Variants in GPR137 observed in about 807,000 individuals in gnomAD.
GPR137 encodes G protein-coupled receptor 137, also known as integral membrane protein GPR137.
In GPR137, 20 loss-of-function variants were observed where a neutral mutation model predicts 38.9. The observed-to-expected ratio is 0.51, with a 90% CI of 0.36 to 0.75. GPR137 has a LOEUF of 0.75. GPR137 is among the 30% of genes least tolerant of loss of function. The pLI is 0.00. For missense variants in GPR137, 456 were observed against 526.4 expected (o/e 0.87, Z 1.31); for synonymous variants, 226 against 235.8 (o/e 0.96, Z 0.38).
chr11:64,279,599 C>G (rs995179623), upstream of GPR137, among the ~76,000 whole-genome samples: 2 of 150,522 alleles, frequency 1.3e-5, no homozygotes, highest in South Asian at 2.1e-4. Flanking sequence ...ACCCCCGTCT[C>G]CACTAAAAAC....
chr11:64,273,879 A>AAC (rs1555068247), upstream of GPR137, among the ~76,000 whole-genome samples: 4 of 151,008 alleles, frequency 2.6e-5, no homozygotes, highest in Non-Finnish European at 4.4e-5. Context: ...AAAAAAAAAA[A>AAC]AGAGAGGCAG....
At chr11:64,285,354 C>T, upstream of GPR137, 1 of 985,160 alleles carries the variant, frequency 1.0e-6, no homozygotes, top group Non-Finnish European at 1.2e-6. Flanking sequence ...CCCGTGGGGG[C>T]TTCACGCCTG....
upstream of GPR137, chr11:64,284,291 G>C (rs1233788186): frequency 1.2e-6 from 2 of 1,612,010 alleles, no homozygotes; most frequent in Admixed American, 3.3e-5. Context: ...CGTCCCCTGC[G>C]GGGCTGGGGC....
At chr11:64,271,878 C>G (rs577522337), upstream of GPR137, 335 of 1,221,672 alleles carry the variant, frequency 2.7e-4, 1 homozygote, top group Non-Finnish European at 3.3e-4. Flanking sequence ...CTGAACCCTC[C>G]CCATCAGCTC....
intron 2 of GPR137, among the ~76,000 whole-genome samples, chr11:64,278,521 G>A (rs1430109305): frequency 2.0e-5 from 3 of 151,970 alleles, no homozygotes; most frequent in Non-Finnish European, 2.9e-5. Flanking sequence ...TCAGGTCCTC[G>A]CCACAGCCCT....
upstream of GPR137, among the ~76,000 whole-genome samples, chr11:64,281,933 A>T (rs2033505215): frequency 6.6e-6 from 1 of 152,068 alleles, no homozygotes; most frequent in Admixed American, 6.6e-5. Context: ...GTTGGCCAGG[A>T]TGGTCTCCAT....
At chr11:64,287,271 G>A (rs1432143930) in intron 2 of GPR137, 11 of 985,314 alleles carry the variant, frequency 1.1e-5, no homozygotes, top group Non-Finnish European at 1.3e-5. Flanking sequence ...GGGCGAGCTG[G>A]AGGCTCCAGC....
upstream of GPR137, among the ~76,000 whole-genome samples, chr11:64,284,009 A>C (rs2033662507): frequency 6.6e-6 from 1 of 152,206 alleles, no homozygotes; most frequent in Non-Finnish European, 1.5e-5. Context: ...TAATTAACTC[A>C]ACAGTCCTAC....
In GPR137 at chr11:64,286,218, CCATCCTTGG is replaced by C. The variant is rs2034019004; in HGVS notation, c.-305_-297del. 8.5e-7 allele frequency: 1 copy of C among 1,181,166 alleles called. No individual in the cohort carries two copies. Among genetic ancestry groups the C allele is most frequent in the African/African-American group, 1.6e-5 (1 of 63,306 alleles). 73.2% of individuals were successfully genotyped at this position (1,181,166 alleles called of 1,614,324 possible). ...CCTCTCCTTGGGCCTCTGCATCCCC[CCATCCTTGG>C]CTCTGGGGTAGGCCCAGGGAGGAGA... On this transcript the variant is annotated 5_prime_UTR_variant, in exon 1 of 7. Transcript: ENST00000438980.
chr11:64,276,771 C>T (rs1002742237), intron 2 of GPR137: 17 of 615,588 alleles, frequency 2.8e-5, no homozygotes, highest in Non-Finnish European at 4.4e-5. Flanking sequence ...TGTGGCTCCT[C>T]CTTGGGTGTG....
chr11:64,282,149 G>A (rs1052603935), upstream of GPR137, among the ~76,000 whole-genome samples: 3 of 152,194 alleles, frequency 2.0e-5, no homozygotes, highest in African/African-American at 4.8e-5. Context: ...GATTCCTGAC[G>A]CTTGGGTTCA....
At chr11:64,276,907 T>C (rs1158320969) in intron 2 of GPR137, 1 of 761,276 alleles carries the variant, frequency 1.3e-6, no homozygotes, top group Admixed American at 1.8e-5. Context: ...ATGGCACCTC[T>C]AGCTTTACAT....
At chr11:64,271,885 G>A (rs2032656410), upstream of GPR137, 6 of 1,174,902 alleles carry the variant, frequency 5.1e-6, no homozygotes, top group South Asian at 8.5e-5. Flanking sequence ...CTCCCCATCA[G>A]CTCTGCAGGC....
At chr11:64,278,881 C>T (rs745621353) in intron 2 of GPR137, among the ~76,000 whole-genome samples, 2 of 152,214 alleles carry the variant, frequency 1.3e-5, no homozygotes, top group African/African-American at 4.8e-5. Flanking sequence ...GTGGCTCTGG[C>T]GGGGCACTGG....
chr11:64,270,811 C>A, upstream of GPR137: 1 of 390,724 alleles, frequency 2.6e-6, no homozygotes, highest in South Asian at 1.9e-5. Context: ...GCACAAATAC[C>A]AGCATGCCTG....
upstream of GPR137, among the ~76,000 whole-genome samples, chr11:64,282,054 T>C (rs1485564674): frequency 2.6e-5 from 4 of 152,126 alleles, no homozygotes; most frequent in Non-Finnish European, 5.9e-5. Context: ...CCCATACAAA[T>C]CTTCTCACGC....
chr11:64,284,716 G>A (rs987170142), upstream of GPR137: 2 of 1,535,842 alleles, frequency 1.3e-6, no homozygotes, highest in Admixed American at 2.0e-5. Context: ...CTTGGGCAAC[G>A]GGAACTGTCA....
At chr11:64,276,575 C>T (rs1000679595) in intron 2 of GPR137, among the ~76,000 whole-genome samples, 4 of 152,214 alleles carry the variant, frequency 2.6e-5, no homozygotes, top group African/African-American at 9.7e-5. Context: ...AATCCAAGTG[C>T]CTCGGCCCCC....
chr11:64,280,120 A>G (rs1373221192), upstream of GPR137, among the ~76,000 whole-genome samples: 2 of 151,382 alleles, frequency 1.3e-5, no homozygotes, highest in Non-Finnish European at 2.9e-5. Context: ...GATCGAGACC[A>G]TCCTGGCTAA....
Sources: allele counts gnomAD v4.1 joint callset (sites outside exome capture counted in the v4.1 genomes callset), GRCh38; gene constraint gnomAD v4.1.1; transcripts MANE v1.5; gene names NCBI Gene and HGNC (gene_info 2026-07-23, HGNC 2026-07-21).